Variants in PKNOX1 observed in about 807,000 individuals in gnomAD.
PKNOX1 encodes PBX/knotted 1 homeobox 1.
Under a neutral mutation model 51.9 loss-of-function variants are expected in PKNOX1, and 15 were observed. The observed-to-expected ratio is 0.29, with a 90% confidence interval of 0.19 to 0.45. PKNOX1 has a LOEUF of 0.45. PKNOX1 is among the 20% of genes least tolerant of loss of function. PKNOX1 has a pLI of 1.00. For synonymous variants in PKNOX1, 219 were observed against 211.1 expected, an observed-to-expected ratio of 1.04 and a Z score of -0.32; for missense variants, 462 against 547.5, an observed-to-expected ratio of 0.84 and a Z score of 1.56.
In PKNOX1 at chr21:43,030,080, G is replaced by T. The variant is rs765098005; in HGVS notation, c.1290G>T (p.Glu430Asp). Residue 430 changes from glutamate (E) to aspartate (D), a missense_variant, in exon 11 of 11, where the codon GAG (glutamate) becomes GAT (aspartate). Glu to Asp is a conservative substitution (Grantham distance 45). Transcript: ENST00000291547. Reference protein sequence around the residue: ...APAHISGLVLENSDSLQ With the variant: ...APAHISGLVLDNSDSLQ ...CCCACATCAGCGGGCTGGTCTTGGAGAACAGTGACTCCCTGCAGTAGGGGC... is the reference window on the plus strand; with the variant it reads ...CCCACATCAGCGGGCTGGTCTTGGATAACAGTGACTCCCTGCAGTAGGGGC... The T allele has an allele frequency of 6.2e-7, 1 of 1,604,132 alleles. No individual in the cohort carries two copies. The highest frequency in any genetic ancestry group is 2.2e-5 in the East Asian group (1 of 44,554).
rs189506466 is a variant in PKNOX1 at position 43,003,420 on chromosome 21, G to A, written c.-56-906G>A. On this transcript the variant is annotated intron_variant, in intron 1 of 10. Transcript: ENST00000291547. ...CGCCACACTTGCCTGTCTTATGTGCGTGTGTATATGAGCATGCCCATCTCA... is the reference window on the plus strand; with the variant it reads ...CGCCACACTTGCCTGTCTTATGTGCATGTGTATATGAGCATGCCCATCTCA... Among the ~76,000 whole-genome samples, 620 of 152,258 alleles carry A rather than the reference G, an allele frequency of 4.1e-3. 5 individuals are homozygous for A. Among genetic ancestry groups the A allele is most frequent in the African/African-American group, 0.014 (589 of 41,558 alleles).
At chr21:42,979,896 G>A (rs866317667) in intron 1 of PKNOX1, among the ~76,000 whole-genome samples, 2 of 152,348 alleles carry the variant, frequency 1.3e-5, no homozygotes, top group Middle Eastern at 3.4e-3. Flanking sequence ...ACATTTAAAA[G>A]TGTGCCTTAG....
Position 43,013,106 on chromosome 21 carries a change from T to C in PKNOX1, c.390T>C (p.Leu130=), listed in dbSNP as rs1348434237. Residue 130 remains leucine (L), a synonymous_variant, in exon 5 of 11, where the codon CTT becomes CTC. Transcript: ENST00000291547. ...TCCAGGTTTTGCGCATTCATCTTCT[T>C]GAGCTGGAAAAGGTTAACGAACTCT... is the stretch of plus-strand genomic sequence containing the variant. ...KAIQVLRIHL[L]ELEKVNELCK... 1.2e-6 allele frequency: 2 copies of C among 1,612,134 alleles called. No homozygotes were observed. The highest frequency in any genetic ancestry group is 8.5e-7 in the Non-Finnish European group (1 of 1,178,580).
At chr21:42,975,350 C>T (rs1295304895) in intron 1 of PKNOX1, among the ~76,000 whole-genome samples, 1 of 151,796 alleles carries the variant, frequency 6.6e-6, no homozygotes, top group Non-Finnish European at 1.5e-5. Context: ...CGGGAGCAGC[C>T]CAGGGCCGCT....
chr21:42,987,418 T>A (rs1477629456), intron 1 of PKNOX1, among the ~76,000 whole-genome samples: 5 of 131,430 alleles, frequency 3.8e-5, no homozygotes, highest in African/African-American at 5.8e-5. Flanking sequence ...TATATATATA[T>A]ATATATATAT....
intron 10 of PKNOX1, among the ~76,000 whole-genome samples, chr21:43,029,622 G>A (rs553655125): frequency 4.0e-5 from 6 of 151,190 alleles, no homozygotes; most frequent in Non-Finnish European, 7.4e-5. Flanking sequence ...TAGTAGAGAC[G>A]GGGTTTCACC....
chr21:43,020,741 C>T (rs754159011), intron 7 of PKNOX1, among the ~76,000 whole-genome samples: 12 of 152,192 alleles, frequency 7.9e-5, no homozygotes, highest in Admixed American at 1.3e-4. Flanking sequence ...CATCCCTTTT[C>T]GGCTAGGAAG....
At chr21:42,986,674 G>A (rs1411979935) in intron 1 of PKNOX1, among the ~76,000 whole-genome samples, 2 of 152,106 alleles carry the variant, frequency 1.3e-5, no homozygotes, top group African/African-American at 2.4e-5. Context: ...CAAAATGAAA[G>A]CTCACTTAAC....
chr21:42,975,182 C>CGGCGGGGCTGCTCGGAGGG (rs1483151899), intron 1 of PKNOX1, among the ~76,000 whole-genome samples: 1 of 145,350 alleles, frequency 6.9e-6, no homozygotes, highest in African/African-American at 2.5e-5. Flanking sequence ...TCCTCAGGGC[C>CGGCGGGGCTGCTCGGAGGG]GGCGGGGCTG....
chr21:43,007,316 CTTTAT>C (rs537213986), intron 2 of PKNOX1, among the ~76,000 whole-genome samples, 170 bp from the exon 3 acceptor site: 2,638 of 152,232 alleles, frequency 0.017, 27 homozygotes, highest in Non-Finnish European at 0.026. Context: ...GAAATTTTAC[CTTTAT>C]TTTAAAGCAC....
intron 1 of PKNOX1, among the ~76,000 whole-genome samples, chr21:42,979,503 G>T (rs1202319769): frequency 4.6e-5 from 7 of 152,130 alleles, no homozygotes; most frequent in Non-Finnish European, 7.3e-5. Flanking sequence ...AGCACTTTGG[G>T]AGGCCGAGGC....
chr21:42,983,137 A>G (rs2059035363), intron 1 of PKNOX1, among the ~76,000 whole-genome samples: 1 of 152,170 alleles, frequency 6.6e-6, no homozygotes, highest in Non-Finnish European at 1.5e-5. Context: ...TGTTATGGTA[A>G]AATACACGTA....
chr21:42,981,047 G>T (rs1302052189), intron 1 of PKNOX1, among the ~76,000 whole-genome samples: 1 of 152,230 alleles, frequency 6.6e-6, no homozygotes, highest in Non-Finnish European at 1.5e-5. Context: ...GCCTAACAGT[G>T]TGTGTCCTTG....
chr21:43,010,359 A>G (rs1265417295), intron 4 of PKNOX1, 135 bp downstream of exon 4: 3 of 521,360 alleles, frequency 5.8e-6, no homozygotes, highest in Non-Finnish European at 1.0e-5. Flanking sequence ...AAGAATTTTT[A>G]TGGTGTGTGT....
intron 9 of PKNOX1, among the ~76,000 whole-genome samples, chr21:43,025,889 A>G (rs1224369167): frequency 6.6e-6 from 1 of 152,218 alleles, no homozygotes; most frequent in Non-Finnish European, 1.5e-5. Flanking sequence ...AAGTACTTCC[A>G]TGATCCTGCA....
intron 1 of PKNOX1, among the ~76,000 whole-genome samples, chr21:43,003,242 A>G (rs1014097467): frequency 6.6e-6 from 1 of 152,244 alleles, no homozygotes; most frequent in Admixed American, 6.5e-5. Context: ...CACCAGCAGC[A>G]GCAAGGCCAT....
Position 43,032,510 on chromosome 21 carries a change from C to T in PKNOX1, c.*2409C>T, listed in dbSNP as rs1013607919. The T allele has an allele frequency of 2.2e-5, 5 of 224,212 alleles. No individual in the cohort carries two copies. The highest frequency in any genetic ancestry group is 1.9e-4 in the Admixed American group (4 of 20,712). 13.9% of individuals were successfully genotyped at this position (224,212 alleles called of 1,614,324 possible). On this transcript the variant is annotated 3_prime_UTR_variant, in exon 11 of 11. Transcript: ENST00000291547. ...GGGCGTGCCTCTAGTTCCAGCTACT[C>T]GGGAGTCTGAGGCAGAGGATGGCAT...
chr21:42,982,138 G>A (rs1331025995), intron 1 of PKNOX1, among the ~76,000 whole-genome samples: 2 of 152,150 alleles, frequency 1.3e-5, no homozygotes, highest in South Asian at 4.1e-4. Flanking sequence ...CCTACCAGGC[G>A]CTGACCTTCG....
At chr21:42,981,786 C>T (rs931795533) in intron 1 of PKNOX1, among the ~76,000 whole-genome samples, 14 of 152,286 alleles carry the variant, frequency 9.2e-5, no homozygotes, top group African/African-American at 2.4e-4. Flanking sequence ...GTCGGGTTCT[C>T]AGGGTGGCAG....
Sources: gnomAD v4.1 joint callset for allele counts (sites outside exome capture counted in the v4.1 genomes callset) on GRCh38, gnomAD v4.1.1 for gene constraint, MANE v1.5 for transcripts, NCBI Gene and HGNC (gene_info 2026-07-23, HGNC 2026-07-21) for gene names.